The following RPS6KA2 variants were observed in gnomAD, a reference collection of about 807,000 sequenced individuals.
The protein encoded by RPS6KA2 is ribosomal protein S6 kinase alpha-2.
In RPS6KA2, 42 loss-of-function variants were observed where a neutral mutation model predicts 91.8. The observed-to-expected ratio is 0.46, with a 90% confidence interval of 0.36 to 0.59. The LOEUF (loss-of-function observed/expected upper bound fraction) is 0.59, where lower values mean the gene tolerates loss of function less well. RPS6KA2 is among the 20% of genes least tolerant of loss of function. RPS6KA2 has a pLI of 0.00. For synonymous variants in RPS6KA2, 414 were observed against 393.6 expected, an observed-to-expected ratio of 1.05 and a Z score of -0.61; for missense variants, 798 against 978.5, an observed-to-expected ratio of 0.82 and a Z score of 2.46.
chr6:166,584,570 A>T (rs1418463991), intron 1 of RPS6KA2, among the ~76,000 whole-genome samples: 1 of 152,238 alleles, frequency 6.6e-6, no homozygotes, highest in Non-Finnish European at 1.5e-5. Context: ...CAATTAATAA[A>T]TGAAAAATGC....
intron 2 of RPS6KA2, among the ~76,000 whole-genome samples, chr6:166,695,391 G>A (rs917300535): frequency 1.3e-5 from 2 of 152,214 alleles, no homozygotes; most frequent in Non-Finnish European, 1.5e-5. Flanking sequence ...CCACAGAGAC[G>A]TACATGGCCA....
At chr6:166,638,722 G>A (rs913469668) in intron 2 of RPS6KA2, among the ~76,000 whole-genome samples, 1 of 152,184 alleles carries the variant, frequency 6.6e-6, no homozygotes, top group Admixed American at 6.5e-5. Flanking sequence ...CCCAGGGGAC[G>A]TCTGGCAGTG....
At chr6:166,842,965 C>T (rs1219912428) in intron 2 of RPS6KA2, among the ~76,000 whole-genome samples, 1 of 152,168 alleles carries the variant, frequency 6.6e-6, no homozygotes, top group Non-Finnish European at 1.5e-5. Context: ...CGTGAGTCTG[C>T]CTGCCTTCTC....
chr6:166,700,787 AG>A (rs1789488195), intron 2 of RPS6KA2, among the ~76,000 whole-genome samples: 1 of 152,182 alleles, frequency 6.6e-6, no homozygotes, highest in Admixed American at 6.5e-5. Flanking sequence ...GGGAATATTA[AG>A]AATAATTAGA....
chr6:166,832,479 T>C (rs1304505864), intron 2 of RPS6KA2, among the ~76,000 whole-genome samples: 2 of 152,198 alleles, frequency 1.3e-5, no homozygotes, highest in Non-Finnish European at 2.9e-5. Context: ...GATATTACTC[T>C]AGAGACAAAA....
intron 3 of RPS6KA2, among the ~76,000 whole-genome samples, chr6:166,524,934 C>T (rs12528147): frequency 0.081 from 12,333 of 152,130 alleles, 557 homozygotes; most frequent in East Asian, 0.17. Flanking sequence ...CTAGAGACAC[C>T]GGCGGAGGTA....
At chr6:166,798,146 C>T (rs1779271281) in intron 2 of RPS6KA2, among the ~76,000 whole-genome samples, 1 of 152,198 alleles carries the variant, frequency 6.6e-6, no homozygotes, top group Non-Finnish European at 1.5e-5. Context: ...GTGTTTATCC[C>T]ATGGTAATTA....
At chr6:166,701,177 T>A in intron 2 of RPS6KA2, 1 of 1,612,198 alleles carries the variant, frequency 6.2e-7, no homozygotes, top group African/African-American at 1.3e-5. Flanking sequence ...ATTTCCTGAA[T>A]TTTTCTCTGG....
chr6:166,623,368 T>C (rs1335594564), intron 1 of RPS6KA2, among the ~76,000 whole-genome samples: 1 of 152,134 alleles, frequency 6.6e-6, no homozygotes, highest in Non-Finnish European at 1.5e-5. Context: ...TGTGGAAAGG[T>C]TGAGTGGGGA....
At position 166,766,962 on chromosome 6, in the gene RPS6KA2, G is replaced by A. The variant is rs148242282; in HGVS notation, c.123+91238C>T. On this transcript the variant is annotated intron_variant, in intron 2 of 21. Transcript: ENST00000503859. ...GGGCCTAACGTGCCTCTCCTCCCTC[G>A]CCTTTGTTTACAAGTCCAAAGAATG... Among the ~76,000 whole-genome samples the A allele has an allele frequency of 5.5e-4, 83 of 152,198 alleles. 2 individuals are homozygous for A. Among genetic ancestry groups the A allele is most frequent in the African/African-American group, 1.9e-3 (78 of 41,524 alleles).
At chr6:166,523,814 T>A (rs1782934686) in intron 3 of RPS6KA2, among the ~76,000 whole-genome samples, 1 of 152,094 alleles carries the variant, frequency 6.6e-6, no homozygotes. Flanking sequence ...GGAAAACAAA[T>A]AAAGAGGTGC....
chr6:166,776,786 CCA>C (rs757878533), intron 2 of RPS6KA2, among the ~76,000 whole-genome samples: 3 of 152,226 alleles, frequency 2.0e-5, no homozygotes, highest in Non-Finnish European at 4.4e-5. Flanking sequence ...TTTGTTTACA[CCA>C]CAGTTTGTGC....
At chr6:166,601,922 A>G (rs1785745207) in intron 1 of RPS6KA2, among the ~76,000 whole-genome samples, 1 of 152,264 alleles carries the variant, frequency 6.6e-6, no homozygotes, top group African/African-American at 2.4e-5. Flanking sequence ...CTTCTGTATA[A>G]AAAAGTTTAA....
rs1057044143 is a variant in RPS6KA2, at chr6:166,639,623, C to T, written c.124-100839G>A. ...TCTCCTCCTTCCTCCAGGGTGCAGT[C>T]TCTGCTCCTGCCCCGCTGACTTACT... On this transcript the variant is annotated intron_variant, in intron 2 of 21. Coordinates refer to the RPS6KA2 transcript ENST00000503859. The surrounding 1 kb of genome is among the most constrained non-coding windows in gnomAD (Gnocchi z 4.2). Among the ~76,000 whole-genome samples the T allele has an allele frequency of 1.3e-5, 2 of 152,054 alleles. No individual in the cohort carries two copies. Among genetic ancestry groups the T allele is most frequent in the Admixed American group, 6.5e-5 (1 of 15,270 alleles).
intron 2 of RPS6KA2, among the ~76,000 whole-genome samples, chr6:166,672,572 G>C (rs1406823722): frequency 1.3e-5 from 2 of 152,022 alleles, no homozygotes; most frequent in Non-Finnish European, 2.9e-5. Context: ...TCTTTTTCTT[G>C]GTTTCTAGAT....
intron 2 of RPS6KA2, among the ~76,000 whole-genome samples, chr6:166,810,611 T>C (rs1264399795): frequency 6.6e-6 from 1 of 152,184 alleles, no homozygotes; most frequent in African/African-American, 2.4e-5. Context: ...AAGTTGCCTT[T>C]GTGGGTCGAG....
chr6:166,568,922 G>C (rs1784589889), intron 1 of RPS6KA2, among the ~76,000 whole-genome samples: 1 of 152,192 alleles, frequency 6.6e-6, no homozygotes, highest in Non-Finnish European at 1.5e-5. Context: ...TCTAGACTCT[G>C]CTTCTTCCTG....
At chr6:166,417,244 A>G (rs1325535075) in intron 19 of RPS6KA2, among the ~76,000 whole-genome samples, 1 of 152,244 alleles carries the variant, frequency 6.6e-6, no homozygotes, top group Non-Finnish European at 1.5e-5. Flanking sequence ...ATGAACATGC[A>G]GGGCAATCAT....
intron 11 of RPS6KA2, among the ~76,000 whole-genome samples, chr6:166,462,071 G>A (rs920062107): frequency 2.6e-5 from 4 of 152,216 alleles, no homozygotes; most frequent in Non-Finnish European, 5.9e-5. Flanking sequence ...ACACAGCATC[G>A]CGCAGGTGCC....
Sources: allele counts gnomAD v4.1 joint callset (sites outside exome capture counted in the v4.1 genomes callset), GRCh38; gene constraint gnomAD v4.1.1; non-coding constraint Gnocchi (gnomAD v3.1); transcripts MANE v1.5; gene names NCBI Gene and HGNC (gene_info 2026-07-23, HGNC 2026-07-21).